ZBTB20: variants seen among roughly 807,000 people sequenced by gnomAD.
ZBTB20 encodes zinc finger and BTB domain containing 20.
ZBTB20 carries 9 observed loss-of-function variants against 56.9 expected under a neutral mutation model. The ratio of observed to expected loss-of-function variants is 0.16; its 90% confidence interval spans 0.10 to 0.28. ZBTB20 has a LOEUF of 0.28. Ranked by LOEUF, ZBTB20 falls within the 10% of genes least tolerant of loss-of-function variation. ZBTB20 has a pLI of 1.00. For synonymous variants in ZBTB20, 417 were observed against 420.7 expected (o/e 0.99, Z 0.11); for missense variants, 655 against 1,003.0 (o/e 0.65, Z 4.69).
intron 3 of ZBTB20, among the ~76,000 whole-genome samples, chr3:114,955,230 G>A (rs534158005): frequency 1.3e-5 from 2 of 152,190 alleles, no homozygotes; most frequent in Non-Finnish European, 2.9e-5. Context: ...CTAAATGGCA[G>A]TAGACAGAGA....
At chr3:114,825,841 G>A (rs2073496743) in intron 4 of ZBTB20, among the ~76,000 whole-genome samples, 1 of 151,746 alleles carries the variant, frequency 6.6e-6, no homozygotes, top group Non-Finnish European at 1.5e-5. Context: ...TCAGTATGTA[G>A]AATTAAACTT....
At chr3:115,088,039 G>GA (rs1429187728) in intron 1 of ZBTB20, among the ~76,000 whole-genome samples, 1 of 151,838 alleles carries the variant, frequency 6.6e-6, no homozygotes, top group Non-Finnish European at 1.5e-5. Context: ...GGAAAATGGA[G>GA]AACTGTTTTA....
intron 2 of ZBTB20, among the ~76,000 whole-genome samples, chr3:114,999,323 C>G (rs942258160): frequency 1.3e-5 from 2 of 149,794 alleles, no homozygotes; most frequent in African/African-American, 4.9e-5. Flanking sequence ...GGGAAATTTT[C>G]AGGGCAAAAC....
chr3:114,479,086 G>C (rs549676447), intron 7 of ZBTB20, among the ~76,000 whole-genome samples: 218 of 146,114 alleles, frequency 1.5e-3, no homozygotes, highest in Non-Finnish European at 2.7e-3. Context: ...CCACAGTAGG[G>C]TGTTTTTTCA....
At chr3:114,997,056 A>G (rs950163743) in intron 2 of ZBTB20, among the ~76,000 whole-genome samples, 2 of 151,924 alleles carry the variant, frequency 1.3e-5, no homozygotes, top group East Asian at 3.9e-4. Context: ...TAGTTCAACC[A>G]TTGTGGAAGA....
intron 4 of ZBTB20, among the ~76,000 whole-genome samples, chr3:114,828,459 G>A (rs1560295144): frequency 6.6e-6 from 1 of 151,506 alleles, no homozygotes; most frequent in Admixed American, 6.6e-5. Flanking sequence ...TTTTTGCTAC[G>A]TTTTTAAGAG....
At chr3:114,988,609 T>C (rs2078658361) in intron 2 of ZBTB20, among the ~76,000 whole-genome samples, 1 of 152,320 alleles carries the variant, frequency 6.6e-6, no homozygotes, top group South Asian at 2.1e-4. Flanking sequence ...CCTTTGGGTA[T>C]ATACTCAGTA....
intron 1 of ZBTB20, among the ~76,000 whole-genome samples, chr3:115,145,061 A>T (rs1179974789): frequency 6.6e-6 from 1 of 152,212 alleles, no homozygotes; most frequent in African/African-American, 2.4e-5. Flanking sequence ...ATAAAAATCA[A>T]AACCCCAATC....
At chr3:114,882,309 A>G (rs575414650) in intron 4 of ZBTB20, among the ~76,000 whole-genome samples, 9 of 152,040 alleles carry the variant, frequency 5.9e-5, no homozygotes, top group Non-Finnish European at 2.9e-5. Flanking sequence ...CCCAGTACTG[A>G]TGAGGCTGTG....
chr3:114,902,321 C>T (rs2075151957), intron 3 of ZBTB20, among the ~76,000 whole-genome samples: 1 of 152,214 alleles, frequency 6.6e-6, no homozygotes, highest in African/African-American at 2.4e-5. Flanking sequence ...TGAGCATCTA[C>T]TGCCTGCATG....
chr3:114,378,565 T>A (rs1222336075), intron 10 of ZBTB20, among the ~76,000 whole-genome samples: 1 of 152,254 alleles, frequency 6.6e-6, no homozygotes, highest in Non-Finnish European at 1.5e-5. Context: ...CAATGCTTTT[T>A]CTATTCACAA....
chr3:114,485,210 C>G (rs1460238582), intron 7 of ZBTB20, among the ~76,000 whole-genome samples: 3 of 152,084 alleles, frequency 2.0e-5, no homozygotes, highest in African/African-American at 7.2e-5. Flanking sequence ...TTTCTTAGAC[C>G]AAGTTATTTT....
chr3:114,636,690 A>G (rs1024247310), intron 6 of ZBTB20, among the ~76,000 whole-genome samples: 7 of 152,088 alleles, frequency 4.6e-5, no homozygotes, highest in African/African-American at 1.7e-4. Flanking sequence ...ATAAAGAGAA[A>G]GGAATCAAAG....
At chr3:114,652,292 C>A (rs1245987740) in intron 6 of ZBTB20, among the ~76,000 whole-genome samples, 1 of 152,002 alleles carries the variant, frequency 6.6e-6, no homozygotes, top group Non-Finnish European at 1.5e-5. Context: ...TGTCCTGGCT[C>A]TTCTGCATAC....
chr3:114,771,933 A>C (rs1288719107), intron 5 of ZBTB20, among the ~76,000 whole-genome samples: 8 of 152,136 alleles, frequency 5.3e-5, no homozygotes, highest in Admixed American at 5.2e-4. Context: ...TATGAATTGA[A>C]ATGTTGCCAT....
chr3:114,588,359 T>C (rs946024422), intron 6 of ZBTB20, among the ~76,000 whole-genome samples: 7 of 152,194 alleles, frequency 4.6e-5, no homozygotes, highest in African/African-American at 1.7e-4. Flanking sequence ...TTAAAATGAA[T>C]ATGTGTCCAA....
At chr3:115,120,130 C>A (rs567272417) in intron 1 of ZBTB20, among the ~76,000 whole-genome samples, 1 of 151,844 alleles carries the variant, frequency 6.6e-6, no homozygotes, top group Non-Finnish European at 1.5e-5. Context: ...TTATTCAAAC[C>A]CATAAAATGT....
Position 114,323,315 on chromosome 3 carries a change from T to C in ZBTB20, c.*15690A>G, listed in dbSNP as rs569526934. 3 of 152,372 alleles carry C rather than the reference T, an allele frequency of 2.0e-5. No homozygotes were observed. Among genetic ancestry groups the C allele is most frequent in the Admixed American group, 1.3e-4 (2 of 15,300 alleles). 9.4% of individuals were successfully genotyped at this position (152,372 alleles called of 1,614,324 possible). On this transcript the variant is annotated 3_prime_UTR_variant, in exon 12 of 12. Transcript: ENST00000675478. Reference sequence around the variant, plus strand: ...TCTAATCCATCCTCCAATGTCCAAGTTGGCCTAGCTTGTTTCAAAATAAAC... The same window carrying C: ...TCTAATCCATCCTCCAATGTCCAAGCTGGCCTAGCTTGTTTCAAAATAAAC...
At chr3:115,111,407 A>G (rs2083879969) in intron 1 of ZBTB20, among the ~76,000 whole-genome samples, 1 of 152,152 alleles carries the variant, frequency 6.6e-6, no homozygotes. Context: ...ACCTCTTATG[A>G]TGTTTTATCT....
Sources: allele counts gnomAD v4.1 joint callset (sites outside exome capture counted in the v4.1 genomes callset), GRCh38; gene constraint gnomAD v4.1.1; transcripts MANE v1.5; gene names NCBI Gene and HGNC (gene_info 2026-07-23, HGNC 2026-07-21).